The following COP1 variants were observed in gnomAD, a reference collection of about 807,000 sequenced individuals.
COP1 encodes the protein E3 ubiquitin-protein ligase COP1.
In COP1, 24 loss-of-function variants were observed where a neutral mutation model predicts 101.3. The ratio of observed to expected loss-of-function variants is 0.24; its 90% confidence interval spans 0.17 to 0.33. The LOEUF is 0.33. Ranked by LOEUF, COP1 falls within the 10% of genes least tolerant of loss-of-function variation. COP1 has a pLI of 1.00. For missense variants in COP1, 663 were observed against 906.2 expected (o/e 0.73, Z 3.45); for synonymous variants, 347 against 341.9 (o/e 1.01, Z -0.17).
chr1:176,195,974 T>C (rs61822661), intron 1 of COP1, among the ~76,000 whole-genome samples: 10,234 of 152,256 alleles, frequency 0.067, 425 homozygotes, highest in Middle Eastern at 0.12. Context: ...CATCACGCAA[T>C]ATACCCACGT....
intron 1 of COP1, among the ~76,000 whole-genome samples, chr1:176,200,161 AGTT>A (rs1700120215): frequency 6.6e-6 from 1 of 152,184 alleles, no homozygotes; most frequent in Admixed American, 6.5e-5. Context: ...TACAGCAAAC[AGTT>A]GTTGTGAAGA....
intron 15 of COP1, among the ~76,000 whole-genome samples, chr1:176,019,465 A>ATAATAG (rs1666303464): frequency 3.7e-5 from 1 of 27,088 alleles, no homozygotes; most frequent in Non-Finnish European, 7.8e-5. Context: ...TCCATCTCAA[A>ATAATAG]TAATAATAAT....
intron 11 of COP1, 27 bp from the exon 12 acceptor site, chr1:176,046,351 A>G (rs745801732): frequency 6.3e-7 from 1 of 1,595,046 alleles, no homozygotes; most frequent in Non-Finnish European, 8.5e-7. Context: ...TGTAATGACA[A>G]CATTTCAGAA....
At chr1:176,174,591 G>A (rs1275696423) in intron 3 of COP1, among the ~76,000 whole-genome samples, 2 of 152,014 alleles carry the variant, frequency 1.3e-5, no homozygotes, top group South Asian at 2.1e-4. Context: ...GAGTAACAGA[G>A]AAAAAACTAT....
Position 176,136,555 on chromosome 1 carries a change from T to C in COP1, c.832-8A>G. The stretch of plus-strand genomic sequence containing the variant: ...CTGGATCTGTTCCAGTTGCTGCAGA[T>C]TAAATAGAGAGAGAAAGACAAAAAA... On this transcript the variant is annotated splice_region_variant and splice_polypyrimidine_tract_variant and intron_variant, in intron 6 of 19. Transcript: ENST00000367669. 1 of 1,575,154 alleles carries C rather than the reference T, an allele frequency of 6.3e-7. No individual in the cohort carries two copies. Among genetic ancestry groups the C allele is most frequent in the Non-Finnish European group, 8.6e-7 (1 of 1,160,524 alleles).
At chr1:176,150,272 G>A (rs537026511) in intron 5 of COP1, among the ~76,000 whole-genome samples, 17 of 152,210 alleles carry the variant, frequency 1.1e-4, no homozygotes, top group African/African-American at 3.4e-4. Context: ...ACAAGTCAAG[G>A]CAAATAAGGA....
At position 175,984,121 on chromosome 1, in the gene COP1, C is replaced by T. The variant is rs373105934; in HGVS notation, c.2133+2822G>A. On this transcript the variant is annotated intron_variant, in intron 18 of 19. Transcript: ENST00000367669. ...AGCTGAATGTTAATCCCCAAGACCA[C>T]GGGGAAAATGTCTCCAGGATATGTC... 1.6e-4 allele frequency among the ~76,000 whole-genome samples: 24 copies of T among 152,304 alleles called. No homozygotes were observed. The East Asian group carries it at 3.1e-3, about 20-fold the overall frequency.
chr1:176,026,466 C>G (rs1474313727), intron 15 of COP1, among the ~76,000 whole-genome samples: 1 of 152,022 alleles, frequency 6.6e-6, no homozygotes, highest in Non-Finnish European at 1.5e-5. Context: ...AGTTAAAGAA[C>G]TTGCTCAAGG....
intron 18 of COP1, among the ~76,000 whole-genome samples, chr1:175,958,873 G>A (rs1047810378): frequency 2.6e-5 from 4 of 151,846 alleles, no homozygotes; most frequent in African/African-American, 7.3e-5. Context: ...CTTCATCTAC[G>A]AGTTCAGCCA....
chr1:176,022,327 G>T (rs1666893186), intron 15 of COP1, among the ~76,000 whole-genome samples: 2 of 152,298 alleles, frequency 1.3e-5, no homozygotes, highest in South Asian at 4.1e-4. Flanking sequence ...GCAACAGGAA[G>T]TCAAACTATA....
chr1:176,091,097 A>G (rs1681199126), intron 9 of COP1, among the ~76,000 whole-genome samples: 1 of 152,184 alleles, frequency 6.6e-6, no homozygotes, highest in African/African-American at 2.4e-5. Context: ...TAATCTTAAA[A>G]AAGTTGAGAG....
intron 18 of COP1, among the ~76,000 whole-genome samples, chr1:175,949,191 A>AAAAAAAAAAAAAAAC (rs1558152768): frequency 1.4e-5 from 2 of 146,626 alleles, no homozygotes; most frequent in Admixed American, 6.9e-5. Flanking sequence ...AAAAAAAAAA[A>AAAAAAAAAAAAAAAC]ATGAACATGG....
chr1:175,991,376 T>C (rs1453634673), intron 15 of COP1, among the ~76,000 whole-genome samples: 5 of 152,222 alleles, frequency 3.3e-5, no homozygotes, highest in South Asian at 4.1e-4. Flanking sequence ...AAAAATAAGA[T>C]ATAAAAGGTA....
intron 15 of COP1, among the ~76,000 whole-genome samples, chr1:176,003,720 T>C (rs1457388905): frequency 6.6e-6 from 1 of 152,102 alleles, no homozygotes; most frequent in Non-Finnish European, 1.5e-5. Flanking sequence ...ATTTCTGTTT[T>C]GGTACCAGTA....
intron 7 of COP1, among the ~76,000 whole-genome samples, chr1:176,135,955 T>C (rs1019628094): frequency 6.6e-6 from 1 of 151,862 alleles, no homozygotes; most frequent in African/African-American, 2.4e-5. Flanking sequence ...TATAAATAAC[T>C]AAAAACACAA....
At chr1:176,143,123 CGA>C (rs71129558) in intron 6 of COP1, among the ~76,000 whole-genome samples, 1 of 146,698 alleles carries the variant, frequency 6.8e-6, no homozygotes. Flanking sequence ...ACAGAACAAG[CGA>C]GAGAGAGAGA....
chr1:176,139,172 A>C (rs1413791732), intron 6 of COP1, among the ~76,000 whole-genome samples: 1 of 152,108 alleles, frequency 6.6e-6, no homozygotes, highest in Non-Finnish European at 1.5e-5. Flanking sequence ...ACACATAAAA[A>C]AATGCTCAAC....
intron 18 of COP1, among the ~76,000 whole-genome samples, chr1:175,961,713 A>G (rs1474139077): frequency 1.3e-5 from 2 of 151,326 alleles, no homozygotes; most frequent in African/African-American, 4.8e-5. Flanking sequence ...AAAAAAAAAA[A>G]AAAAGAATAT....
chr1:176,142,255 A>T (rs568480864), intron 6 of COP1, among the ~76,000 whole-genome samples: 1 of 152,266 alleles, frequency 6.6e-6, no homozygotes, highest in South Asian at 2.1e-4. Flanking sequence ...TAGATAAATC[A>T]AAATGGAATT....
Sources: allele counts gnomAD v4.1 joint callset (sites outside exome capture counted in the v4.1 genomes callset), GRCh38; gene constraint gnomAD v4.1.1; transcripts MANE v1.5; gene names NCBI Gene and HGNC (gene_info 2026-07-23, HGNC 2026-07-21).